The following SAE1 variants were observed in gnomAD, a reference collection of about 807,000 sequenced individuals.
SAE1 encodes the protein SUMO1 activating enzyme subunit 1.
In SAE1, 11 loss-of-function variants were observed where a neutral mutation model predicts 40.6. That is an observed-to-expected ratio of 0.27 (90% CI 0.17 to 0.45). The LOEUF (loss-of-function observed/expected upper bound fraction) is 0.45. SAE1 is among the 20% of genes least tolerant of loss of function. The pLI is 1.00. For missense variants in SAE1, 373 were observed against 427.3 expected, an observed-to-expected ratio of 0.87 and a Z score of 1.12; for synonymous variants, 155 against 154.3, an observed-to-expected ratio of 1.00 and a Z score of -0.03.
At chr19:47,145,417 G>A (rs1600154382) in intron 2 of SAE1, among the ~76,000 whole-genome samples, 1 of 152,178 alleles carries the variant, frequency 6.6e-6, no homozygotes, top group South Asian at 2.1e-4. Context: ...AAAGTGCGGT[G>A]ATTACAGGTG....
chr19:47,177,465 C>G (rs2058476967), intron 6 of SAE1, among the ~76,000 whole-genome samples: 1 of 152,104 alleles, frequency 6.6e-6, no homozygotes, highest in South Asian at 2.1e-4. Flanking sequence ...CTCAAGTTAT[C>G]CTCTCACCTC....
At chr19:47,162,351 G>A (rs2058363909) in intron 5 of SAE1, among the ~76,000 whole-genome samples, 1 of 152,054 alleles carries the variant, frequency 6.6e-6, no homozygotes, top group Admixed American at 6.6e-5. Flanking sequence ...AATTTCTCTT[G>A]GGTATATACC....
At chr19:47,198,686 C>T (rs73943643) in intron 7 of SAE1, among the ~76,000 whole-genome samples, 1,908 of 152,230 alleles carry the variant, frequency 0.013, 45 homozygotes, top group African/African-American at 0.044. Flanking sequence ...GTCCCTAGTC[C>T]TTTCTTTGTT....
At chr19:47,198,664 A>G (rs1600214511) in intron 7 of SAE1, among the ~76,000 whole-genome samples, 1 of 152,184 alleles carries the variant, frequency 6.6e-6, no homozygotes, top group Admixed American at 6.6e-5. Context: ...ATCAACAGTA[A>G]GGTCTGCCAG....
intron 8 of SAE1, among the ~76,000 whole-genome samples, chr19:47,204,855 C>T (rs941623002): frequency 3.9e-5 from 6 of 152,066 alleles, no homozygotes; most frequent in African/African-American, 1.4e-4. Context: ...GTTTCTGTGT[C>T]CCCATGAACA....
intron 5 of SAE1, among the ~76,000 whole-genome samples, chr19:47,161,374 G>A (rs2058359118): frequency 6.6e-6 from 1 of 152,004 alleles, no homozygotes; most frequent in South Asian, 2.1e-4. Flanking sequence ...TGCAGATAAT[G>A]GAACAAAACA....
At chr19:47,136,600 A>G (rs989512399) in intron 1 of SAE1, among the ~76,000 whole-genome samples, 3 of 150,022 alleles carry the variant, frequency 2.0e-5, no homozygotes, top group African/African-American at 7.4e-5. Flanking sequence ...GGTTCAAGCA[A>G]TTCTTCTGGT....
At chr19:47,170,075 A>T (rs917849081) in intron 6 of SAE1, 152 bp downstream of exon 6, 6 of 640,004 alleles carry the variant, frequency 9.4e-6, no homozygotes, top group Non-Finnish European at 1.7e-5. Context: ...AGGGGTGGTC[A>T]CTTGAAGGGG....
chr19:47,145,859 A>G lies in SAE1; in HGVS notation c.210+2254A>G, dbSNP rs192977042. 8.7e-4 allele frequency among the ~76,000 whole-genome samples: 132 copies of G among 151,942 alleles called. 1 individual carries two copies. The highest frequency in any genetic ancestry group is 3.0e-3 in the African/African-American group (125 of 41,420). On this transcript the variant is annotated intron_variant, in intron 2 of 8. Transcript: ENST00000270225. ...AGTTTACATTCAACAAGCATCTGAG[A>G]GCACCTACTGGGTGCCCTGAAGTCT...
intron 6 of SAE1, among the ~76,000 whole-genome samples, chr19:47,191,720 G>C (rs940827269): frequency 1.3e-5 from 2 of 151,618 alleles, no homozygotes; most frequent in East Asian, 3.9e-4. Context: ...TTTTTTTTCA[G>C]CTGTTACCAC....
At position 47,188,768 on chromosome 19, in the gene SAE1, C is replaced by T. The variant is rs946510932; in HGVS notation, c.734-8465C>T. 5.9e-5 allele frequency among the ~76,000 whole-genome samples: 9 copies of T among 152,180 alleles called. No individual in the cohort carries two copies. The South Asian group carries it at 8.3e-4, about 14-fold the overall frequency. On this transcript the variant is annotated intron_variant, in intron 6 of 8. Coordinates refer to ENST00000270225, the MANE Select transcript of SAE1 (RefSeq NM_005500.3). ...AGAATAGGGAGTCTAGAGCTGTGCT[C>T]TTCGCTGCTGCCCTCCAGTTGGAAA...
intron 7 of SAE1, among the ~76,000 whole-genome samples, chr19:47,199,390 CAAAAAAAAAAAA>C (rs35275499): frequency 1.8e-5 from 1 of 56,300 alleles, no homozygotes; most frequent in African/African-American, 6.8e-5. Flanking sequence ...GACTCCTTCT[CAAAAAAAAAAAA>C]AAAAAAAAAA....
At chr19:47,180,243 A>G in intron 6 of SAE1, 1 of 456,302 alleles carries the variant, frequency 2.2e-6, no homozygotes. Context: ...TCCTCACTAA[A>G]GAGAAACCAG....
At chr19:47,160,005 A>T (rs893355233) in intron 5 of SAE1, among the ~76,000 whole-genome samples, 2 of 152,116 alleles carry the variant, frequency 1.3e-5, no homozygotes, top group African/African-American at 4.8e-5. Flanking sequence ...GATTGTTTCC[A>T]TTTTAAAAAA....
chr19:47,142,906 T>A (rs1387121743), intron 1 of SAE1, among the ~76,000 whole-genome samples: 2 of 152,176 alleles, frequency 1.3e-5, no homozygotes, highest in Non-Finnish European at 2.9e-5. Context: ...TATGTATCTA[T>A]TTGTTTATCT....
intron 5 of SAE1, among the ~76,000 whole-genome samples, chr19:47,155,481 G>C (rs1167055944): frequency 6.6e-6 from 1 of 152,024 alleles, no homozygotes; most frequent in African/African-American, 2.4e-5. Context: ...GTGTGTGTGA[G>C]ATGGAATTTT....
rs756943892 is a variant in SAE1 at position 47,152,973 on chromosome 19, T to C, written c.460T>C (p.Phe154Leu). Residue 154 changes from phenylalanine to leucine, a missense_variant, in exon 4 of 9, where the codon TTT becomes CTT. Coordinates refer to ENST00000270225, the MANE Select transcript of SAE1 (RefSeq NM_005500.3). The stretch of plus-strand genomic sequence containing the variant: ...CTGTCACAAAAATAGCATCAAGTTC[T>C]TTACAGGAGATGTTTTTGGCTACCA... ...QICHKNSIKF[F>L]TGDVFGYHGY... 1.2e-6 allele frequency: 2 copies of C among 1,613,212 alleles called. No individual in the cohort carries two copies. The highest frequency in any genetic ancestry group is 1.7e-6 in the Non-Finnish European group (2 of 1,179,900).
chr19:47,150,316 A>G lies in SAE1; in HGVS notation c.325A>G (p.Lys109Glu). The change falls in exon 3 of 9, where the codon AAG becomes GAG. Residue 109 changes from lysine (K) to glutamate (E), a missense_variant. By Grantham distance (56) the Lys-to-Glu change is moderately conservative (BLOSUM62 1). This residue lies in a region of SAE1 where 351 missense variants were observed against 390.6 expected (regional missense o/e 0.90). Coordinates refer to ENST00000270225, the MANE Select transcript of SAE1 (RefSeq NM_005500.3). ...GAATCTCAACCCCATGGTGGATGTG[A>G]AGGTGGACACTGAGGATATAGAGAA... ...AQNLNPMVDV[K>E]VDTEDIEKKP... 23 of 1,613,776 alleles carry G rather than the reference A, an allele frequency of 1.4e-5. No individual in the cohort carries two copies. The highest frequency in any genetic ancestry group is 1.9e-5 in the Non-Finnish European group (23 of 1,179,864).
At chr19:47,204,547 C>G (rs1472730833) in intron 8 of SAE1, among the ~76,000 whole-genome samples, 1 of 125,202 alleles carries the variant, frequency 8.0e-6, no homozygotes, top group Non-Finnish European at 1.6e-5. Flanking sequence ...CACTTTGTCT[C>G]TCAGACTGGA....
Sources: gnomAD v4.1 joint callset for allele counts (sites outside exome capture counted in the v4.1 genomes callset) on GRCh38, gnomAD v4.1.1 for gene constraint, gnomAD v4.1.1 regional missense constraint, MANE v1.5 for transcripts, NCBI Gene and HGNC (gene_info 2026-07-23, HGNC 2026-07-21) for gene names.